ANKS1B: variants seen among roughly 807,000 people sequenced by gnomAD.
The protein encoded by ANKS1B is ankyrin repeat and sterile alpha motif domain-containing protein 1B.
A neutral mutation model predicts 148.3 loss-of-function variants in ANKS1B; 36 were observed. That is an observed-to-expected ratio of 0.24 (90% confidence interval 0.19 to 0.32). The LOEUF is 0.32. ANKS1B is among the 10% of genes least tolerant of loss of function. The pLI is 1.00. For synonymous variants in ANKS1B, 542 were observed against 560.8 expected (o/e 0.97, Z 0.47); for missense variants, 1,157 against 1,542.6 (o/e 0.75, Z 4.19).
chr12:99,544,318 G>A (rs372196353), intron 9 of ANKS1B, among the ~76,000 whole-genome samples: 7 of 152,174 alleles, frequency 4.6e-5, no homozygotes, highest in African/African-American at 1.7e-4. Flanking sequence ...AATGTAGTAG[G>A]TTTTTAAATT....
At position 99,072,827 on chromosome 12, in the gene ANKS1B, C is replaced by T. The variant is rs559268907; in HGVS notation, c.2625+12098G>A. ...TTTACTTCTTTTTTTCTGGGTCCCT[C>T]ACTAGAATTTAAGCTGCACGAGGAC... On this transcript the variant is annotated intron_variant, in intron 16 of 26. Coordinates refer to ENST00000683438, the MANE Select transcript of ANKS1B (RefSeq NM_001352186.2). Among the ~76,000 whole-genome samples, 12 of 152,302 alleles carry T rather than the reference C, an allele frequency of 7.9e-5. No individual in the cohort carries two copies. In the South Asian group the frequency reaches 1.9e-3, roughly 24 times the overall value.
At chr12:99,635,377 A>G (rs940709070) in intron 9 of ANKS1B, among the ~76,000 whole-genome samples, 1 of 152,204 alleles carries the variant, frequency 6.6e-6, no homozygotes, top group Non-Finnish European at 1.5e-5. Flanking sequence ...AAATGAATGG[A>G]TCAACAAAAT....
chr12:99,630,663 G>A (rs774091932), intron 9 of ANKS1B, among the ~76,000 whole-genome samples: 6 of 152,166 alleles, frequency 3.9e-5, no homozygotes, highest in Non-Finnish European at 5.9e-5. Flanking sequence ...TCTTTCAGTT[G>A]TAATCACTTT....
At chr12:98,794,927 C>T in intron 22 of ANKS1B, 6 of 1,361,190 alleles carry the variant, frequency 4.4e-6, no homozygotes, top group South Asian at 1.2e-5. Flanking sequence ...GAGAAAATGG[C>T]ACAGCAGCTA....
intron 8 of ANKS1B, among the ~76,000 whole-genome samples, chr12:99,749,070 C>A (rs1309154441): frequency 6.6e-6 from 1 of 152,104 alleles, no homozygotes. Context: ...GACACAAGCC[C>A]ATTTCAAGGC....
chr12:99,268,542 C>T (rs909530978), intron 12 of ANKS1B, among the ~76,000 whole-genome samples: 1 of 152,144 alleles, frequency 6.6e-6, no homozygotes, highest in Non-Finnish European at 1.5e-5. Context: ...AGAGTTCACC[C>T]CTTGTAATTT....
intron 12 of ANKS1B, among the ~76,000 whole-genome samples, chr12:99,291,381 A>G (rs568868927): frequency 1.3e-5 from 2 of 152,306 alleles, no homozygotes; most frequent in South Asian, 4.1e-4. Context: ...TTGCAGAAAT[A>G]GAAAAAAAAT....
At chr12:99,776,951 G>A (rs561855534) in intron 6 of ANKS1B, among the ~76,000 whole-genome samples, 1 of 152,102 alleles carries the variant, frequency 6.6e-6, no homozygotes, top group East Asian at 1.9e-4. Context: ...CCAAAGTGCT[G>A]GGATTACAAG....
At chr12:99,800,613 A>T (rs1467743833) in intron 4 of ANKS1B, among the ~76,000 whole-genome samples, 3 of 152,148 alleles carry the variant, frequency 2.0e-5, no homozygotes, top group African/African-American at 7.2e-5. Flanking sequence ...TCTGAAAGAA[A>T]CCGTAAAATT....
chr12:99,364,711 T>G (rs1295291050), intron 12 of ANKS1B, among the ~76,000 whole-genome samples: 1 of 152,202 alleles, frequency 6.6e-6, no homozygotes, highest in African/African-American at 2.4e-5. Context: ...TGGTCATGTT[T>G]TTACTGATGG....
intron 17 of ANKS1B, among the ~76,000 whole-genome samples, chr12:99,005,961 C>A (rs1453998911): frequency 2.6e-5 from 4 of 152,196 alleles, no homozygotes; most frequent in Admixed American, 2.0e-4. Flanking sequence ...TGAAAGTCTT[C>A]TTCCAATGAC....
rs555610062 is a variant in ANKS1B at position 99,042,281 on chromosome 12, C to T, written c.2778+10876G>A. 2.1e-4 allele frequency among the ~76,000 whole-genome samples: 32 copies of T among 152,208 alleles called. No individual in the cohort carries two copies. In the South Asian group the frequency reaches 5.8e-3, roughly 28 times the overall value. On this transcript the variant is annotated intron_variant, in intron 17 of 26. Coordinates refer to ENST00000683438, the MANE Select transcript of ANKS1B (RefSeq NM_001352186.2). ...TGATGTAAGTAGAGGTGTAAAAAAG[C>T]GCTTGCTCATTTTTGTTTGTTTGTT... is the stretch of plus-strand genomic sequence containing the variant.
intron 17 of ANKS1B, among the ~76,000 whole-genome samples, chr12:99,042,957 TAGG>T (rs1157311103): frequency 1.3e-5 from 2 of 152,206 alleles, no homozygotes; most frequent in Admixed American, 1.3e-4. Flanking sequence ...ACCACCTAAT[TAGG>T]AGAAGACCTT....
intron 14 of ANKS1B, chr12:99,154,614 C>T (rs2075763455): frequency 6.9e-7 from 1 of 1,456,520 alleles, no homozygotes; most frequent in Non-Finnish European, 9.0e-7. Context: ...TGACTTGATC[C>T]TAGCTCCACA....
intron 10 of ANKS1B, among the ~76,000 whole-genome samples, chr12:99,502,823 C>T (rs2096668911): frequency 6.6e-6 from 1 of 152,154 alleles, no homozygotes; most frequent in South Asian, 2.1e-4. Flanking sequence ...AAAAGTCTTC[C>T]TTCTGTATGT....
intron 17 of ANKS1B, among the ~76,000 whole-genome samples, chr12:98,873,887 T>C (rs964073149): frequency 6.6e-6 from 1 of 152,148 alleles, no homozygotes; most frequent in Non-Finnish European, 1.5e-5. Flanking sequence ...GCTGAGTTAA[T>C]GCTAATGGCT....
At chr12:99,550,495 G>C (rs1156957847) in intron 9 of ANKS1B, among the ~76,000 whole-genome samples, 1 of 151,910 alleles carries the variant, frequency 6.6e-6, no homozygotes, top group African/African-American at 2.4e-5. Flanking sequence ...ATGGTGGCTG[G>C]CACCTGTAAT....
intron 12 of ANKS1B, among the ~76,000 whole-genome samples, chr12:99,366,749 C>T (rs538948551): frequency 2.6e-5 from 4 of 152,162 alleles, no homozygotes; most frequent in African/African-American, 7.2e-5. Flanking sequence ...GAGGAAAACA[C>T]AGTGAAATCC....
rs144554306 is a variant in ANKS1B at position 99,916,560 on chromosome 12, T to G, written c.134+67544A>C. ...GAAGCAGCTAGAATCCAAACACTGG[T>G]TCTCTGAACTATGAAACAAGAGCCA... On this transcript the variant is annotated intron_variant, in intron 1 of 26. Coordinates refer to ENST00000683438, the MANE Select transcript of ANKS1B (RefSeq NM_001352186.2). Among the ~76,000 whole-genome samples, 235 of 152,278 alleles carry G rather than the reference T, an allele frequency of 1.5e-3. 1 individual carries two copies. The highest frequency in any genetic ancestry group is 5.2e-3 in the African/African-American group (217 of 41,546).
Sources: allele counts gnomAD v4.1 joint callset (sites outside exome capture counted in the v4.1 genomes callset), GRCh38; gene constraint gnomAD v4.1.1; transcripts MANE v1.5; gene names NCBI Gene and HGNC (gene_info 2026-07-23, HGNC 2026-07-21).